The following LTBP1 variants were observed in gnomAD, a reference collection of about 807,000 sequenced individuals.
LTBP1 encodes latent transforming growth factor beta binding protein 1.
Under a neutral mutation model 207.6 loss-of-function variants are expected in LTBP1, and 129 were observed. The observed-to-expected ratio is 0.62, with a 90% CI of 0.54 to 0.72. The LOEUF is 0.72. LTBP1 is among the 30% of genes least tolerant of loss of function. The pLI, the probability that LTBP1 is intolerant of heterozygous loss-of-function variation, is 0.00. For synonymous variants in LTBP1, 963 were observed against 833.7 expected, an observed-to-expected ratio of 1.16 and a Z score of -2.67; for missense variants, 2,281 against 2,217.2, an observed-to-expected ratio of 1.03 and a Z score of -0.58.
chr2:33,386,303 C>G (rs2095264938), intron 31 of LTBP1, among the ~76,000 whole-genome samples: 1 of 152,178 alleles, frequency 6.6e-6, no homozygotes, highest in African/African-American at 2.4e-5. Context: ...CACCTTCAGT[C>G]CTTTCCTCTG....
chr2:33,268,871 C>G (rs373400668), intron 15 of LTBP1, among the ~76,000 whole-genome samples: 1 of 152,164 alleles, frequency 6.6e-6, no homozygotes, highest in African/African-American at 2.4e-5. Context: ...AGAAATTATT[C>G]TTTGACTGAG....
intron 23 of LTBP1, among the ~76,000 whole-genome samples, chr2:33,312,274 T>TTATTC (rs1259328359): frequency 6.6e-6 from 1 of 152,234 alleles, no homozygotes; most frequent in African/African-American, 2.4e-5. Context: ...TAACAGTGTG[T>TTATTC]GATAGGCATA....
At chr2:32,983,331 A>T (rs535809086) in intron 2 of LTBP1, among the ~76,000 whole-genome samples, 2 of 152,222 alleles carry the variant, frequency 1.3e-5, no homozygotes, top group African/African-American at 4.8e-5. Context: ...CATTGTATCT[A>T]GGAAGTAACT....
intron 3 of LTBP1, chr2:33,061,369 A>T (rs531399979): frequency 2.5e-4 from 38 of 152,300 alleles, no homozygotes; most frequent in Admixed American, 9.8e-4. Context: ...GAAATGTACA[A>T]ATCTTACATG....
chr2:33,095,270 G>A (rs1038383681), intron 3 of LTBP1, among the ~76,000 whole-genome samples: 1 of 152,112 alleles, frequency 6.6e-6, no homozygotes. Flanking sequence ...GCAATAAAAA[G>A]CAGACTGAAA....
chr2:33,270,413 C>T (rs1459846369), intron 15 of LTBP1, among the ~76,000 whole-genome samples: 2 of 151,650 alleles, frequency 1.3e-5, no homozygotes, highest in African/African-American at 4.8e-5. Context: ...CACGATGAAA[C>T]CCCGTCTCTA....
chr2:33,195,054 C>T (rs2088390437), intron 7 of LTBP1, among the ~76,000 whole-genome samples: 1 of 152,198 alleles, frequency 6.6e-6, no homozygotes, highest in Non-Finnish European at 1.5e-5. Context: ...AACTGATGCT[C>T]AGAATAAAAG....
chr2:33,036,771 T>A (rs913159420), intron 3 of LTBP1, among the ~76,000 whole-genome samples: 2 of 152,220 alleles, frequency 1.3e-5, no homozygotes, highest in African/African-American at 4.8e-5. Flanking sequence ...TGATGAACAT[T>A]TTTCTACAAG....
At chr2:33,127,330 C>A (rs530866921) in intron 4 of LTBP1, among the ~76,000 whole-genome samples, 1 of 152,152 alleles carries the variant, frequency 6.6e-6, no homozygotes, top group Non-Finnish European at 1.5e-5. Context: ...CCCAAGCCCT[C>A]TTTATGAAGA....
At chr2:32,993,802 G>A (rs1684814712) in intron 2 of LTBP1, among the ~76,000 whole-genome samples, 1 of 152,164 alleles carries the variant, frequency 6.6e-6, no homozygotes, top group African/African-American at 2.4e-5. Context: ...CTGAGGCCTA[G>A]GCCATTGGAA....
Position 33,297,067 on chromosome 2 carries a change from G to A in LTBP1, c.3236-3384G>A, listed in dbSNP as rs549186940. Among the ~76,000 whole-genome samples, 17 of 152,294 alleles carry A rather than the reference G, an allele frequency of 1.1e-4. No individual in the cohort carries two copies. The East Asian group carries it at 2.1e-3, about 19-fold the overall frequency. ...GTGCGTCTGGGAAAGCTTCACAAAG[G>A]TATTGCTATTTGAACTTAGTCTTGA... On this transcript the variant is annotated intron_variant, in intron 20 of 33. Coordinates refer to ENST00000404816, the MANE Select transcript of LTBP1 (RefSeq NM_206943.4).
chr2:33,201,727 G>A (rs1002034204), intron 7 of LTBP1, among the ~76,000 whole-genome samples: 2 of 152,118 alleles, frequency 1.3e-5, no homozygotes, highest in African/African-American at 4.8e-5. Flanking sequence ...ATGTGGATTA[G>A]GAAGAAAGGA....
At chr2:32,955,515 T>C (rs1489674300) in intron 2 of LTBP1, among the ~76,000 whole-genome samples, 3 of 152,204 alleles carry the variant, frequency 2.0e-5, no homozygotes, top group Non-Finnish European at 4.4e-5. Flanking sequence ...TAAAGTTATA[T>C]ACATGTATAT....
chr2:33,279,312 AG>A (rs68193681), intron 18 of LTBP1, among the ~76,000 whole-genome samples: 3,415 of 152,324 alleles, frequency 0.022, 62 homozygotes, highest in Non-Finnish European at 0.036. Flanking sequence ...AAGCTGTCGT[AG>A]TTATCTCCTC....
chr2:33,005,197 T>C (rs1686656007), intron 2 of LTBP1, among the ~76,000 whole-genome samples: 2 of 152,178 alleles, frequency 1.3e-5, no homozygotes, highest in Non-Finnish European at 2.9e-5. Context: ...AACACAACCA[T>C]TTATTTGCTT....
At chr2:33,229,489 A>G (rs1362033767) in intron 9 of LTBP1, among the ~76,000 whole-genome samples, 1 of 152,120 alleles carries the variant, frequency 6.6e-6, no homozygotes, top group East Asian at 1.9e-4. Context: ...AGAAAGAAGG[A>G]AGGGAGGAAG....
In LTBP1 at chr2:33,262,582, T is replaced by G. The variant is rs59246149; in HGVS notation, c.2419-140T>G. ...TTTTGTAATTTCACACAATTATACATGTAAGGTCCTATGATATTTCTTTGC... is the reference window on the plus strand; with the variant it reads ...TTTTGTAATTTCACACAATTATACAGGTAAGGTCCTATGATATTTCTTTGC... On this transcript the variant is annotated intron_variant, in intron 13 of 33. Coordinates refer to ENST00000404816, the MANE Select transcript of LTBP1 (RefSeq NM_206943.4). The G allele has an allele frequency of 0.016, 5,718 of 350,410 alleles. 427 individuals carry two copies. The East Asian group carries it at 0.17, about 10-fold the overall frequency. 21.7% of individuals were successfully genotyped at this position (350,410 alleles called of 1,614,324 possible).
At chr2:33,162,100 A>C (rs963284581) in intron 5 of LTBP1, among the ~76,000 whole-genome samples, 1 of 152,228 alleles carries the variant, frequency 6.6e-6, no homozygotes, top group Non-Finnish European at 1.5e-5. Flanking sequence ...GTCTTCCTCA[A>C]AAGAGCAAAT....
intron 5 of LTBP1, among the ~76,000 whole-genome samples, chr2:33,185,890 C>A (rs532781762): frequency 2.6e-5 from 4 of 152,224 alleles, no homozygotes; most frequent in South Asian, 2.1e-4. Context: ...GGAAATGGAG[C>A]TGAGGGGCTT....
Sources: gnomAD v4.1 joint callset for allele counts (sites outside exome capture counted in the v4.1 genomes callset) on GRCh38, gnomAD v4.1.1 for gene constraint, MANE v1.5 for transcripts, NCBI Gene and HGNC (gene_info 2026-07-23, HGNC 2026-07-21) for gene names.